The following AGPS variants were observed in gnomAD, a reference collection of about 807,000 sequenced individuals.
The protein encoded by AGPS is alkyldihydroxyacetonephosphate synthase, peroxisomal.
Under a neutral mutation model 90.7 loss-of-function variants are expected in AGPS, and 26 were observed. That is an observed-to-expected ratio of 0.29 (90% confidence interval 0.21 to 0.40). AGPS has a LOEUF of 0.40. Among genes scored for constraint, AGPS ranks in the 10% least tolerant of loss-of-function variants. The probability of loss-of-function intolerance (pLI) is 1.00; values close to 1 mark genes in which losing one functional copy is unlikely to be tolerated. For missense variants in AGPS, 540 were observed against 816.1 expected, an observed-to-expected ratio of 0.66 and a Z score of 4.12; for synonymous variants, 294 against 285.3, an observed-to-expected ratio of 1.03 and a Z score of -0.31.
chr2:177,487,416 T>C (rs1239489359), intron 11 of AGPS, among the ~76,000 whole-genome samples: 1 of 152,178 alleles, frequency 6.6e-6, no homozygotes, highest in Non-Finnish European at 1.5e-5. Context: ...TAATTTTTCC[T>C]TCCTTCTATC....
intron 10 of AGPS, 147 bp downstream of exon 10, chr2:177,468,671 A>C: frequency 1.8e-5 from 11 of 605,788 alleles, no homozygotes; most frequent in South Asian, 2.3e-5. Context: ...TAAGACTATA[A>C]AGTTTTATTA....
chr2:177,455,036 G>T (rs1389226066), intron 8 of AGPS, among the ~76,000 whole-genome samples: 1 of 151,790 alleles, frequency 6.6e-6, no homozygotes, highest in Non-Finnish European at 1.5e-5. Flanking sequence ...TAGTATTAGT[G>T]TATTTTATGG....
chr2:177,485,039 A>G (rs1055199434), intron 11 of AGPS, among the ~76,000 whole-genome samples: 2 of 152,142 alleles, frequency 1.3e-5, no homozygotes, highest in Non-Finnish European at 2.9e-5. Context: ...AAGTGTAGAG[A>G]TTGCTGGCAT....
At chr2:177,472,504 G>A (rs1267321652) in intron 10 of AGPS, among the ~76,000 whole-genome samples, 9 of 151,926 alleles carry the variant, frequency 5.9e-5, no homozygotes, top group Admixed American at 5.9e-4. Context: ...TTCATGTTGT[G>A]TTACAGCTTT....
intron 8 of AGPS, among the ~76,000 whole-genome samples, chr2:177,452,300 T>C (rs1686974989): frequency 6.6e-6 from 1 of 152,200 alleles, no homozygotes; most frequent in South Asian, 2.1e-4. Context: ...ACAGTAATTG[T>C]AGATTTGTAT....
intron 2 of AGPS, among the ~76,000 whole-genome samples, chr2:177,429,850 G>A (rs1232656457): frequency 1.3e-5 from 2 of 152,200 alleles, no homozygotes; most frequent in Non-Finnish European, 2.9e-5. Context: ...ACCCTTTCAT[G>A]TCCAGACTGC....
intron 14 of AGPS, among the ~76,000 whole-genome samples, chr2:177,503,965 C>G (rs1441463608): frequency 6.6e-6 from 1 of 152,152 alleles, no homozygotes; most frequent in Non-Finnish European, 1.5e-5. Context: ...AGAAAGATGA[C>G]TTAGGACTGA....
chr2:177,474,311 A>G (rs1329009824), intron 10 of AGPS, among the ~76,000 whole-genome samples: 2 of 152,170 alleles, frequency 1.3e-5, no homozygotes, highest in Admixed American at 6.6e-5. Flanking sequence ...ATGACTAGGA[A>G]AAAATTAGCC....
intron 19 of AGPS, among the ~76,000 whole-genome samples, chr2:177,525,297 G>C (rs2079073273): frequency 6.6e-6 from 1 of 151,938 alleles, no homozygotes. Flanking sequence ...TTTTTATTCT[G>C]TTTCAAAATG....
intron 1 of AGPS, among the ~76,000 whole-genome samples, chr2:177,399,321 G>A (rs1278896494): frequency 6.6e-6 from 1 of 152,122 alleles, no homozygotes; most frequent in Non-Finnish European, 1.5e-5. Flanking sequence ...CAAATCAAGG[G>A]ATCATGACTA....
At position 177,538,062 on chromosome 2, in the gene AGPS, T is replaced by G; in HGVS notation, c.1856-12T>G. The G allele has an allele frequency of 6.2e-7, 1 of 1,612,926 alleles. No individual in the cohort carries two copies. Among genetic ancestry groups the G allele is most frequent in the Non-Finnish European group, 8.5e-7 (1 of 1,179,130 alleles). ...AGCATATATTGAAGCATTTTTGATTTTGTTTTTCCAGTGGGCAAGTTACGG... is the reference window on the plus strand; with the variant it reads ...AGCATATATTGAAGCATTTTTGATTGTGTTTTTCCAGTGGGCAAGTTACGG... On this transcript the variant is annotated splice_polypyrimidine_tract_variant and intron_variant, in intron 19 of 19. Coordinates refer to ENST00000264167, the MANE Select transcript of AGPS (RefSeq NM_003659.4).
intron 12 of AGPS, 81 bp downstream of exon 12, chr2:177,493,280 G>C: frequency 8.1e-7 from 1 of 1,230,518 alleles, no homozygotes; most frequent in South Asian, 1.2e-5. Context: ...ACGGAGTGCA[G>C]AGGTAGAAAG....
intron 2 of AGPS, among the ~76,000 whole-genome samples, chr2:177,424,959 G>C (rs1047662247): frequency 6.6e-6 from 1 of 152,036 alleles, no homozygotes; most frequent in Non-Finnish European, 1.5e-5. Flanking sequence ...TAAGTTCCTT[G>C]TAGACTCTGG....
At chr2:177,524,575 G>A (rs1458904171) in intron 19 of AGPS, among the ~76,000 whole-genome samples, 4 of 151,418 alleles carry the variant, frequency 2.6e-5, no homozygotes, top group Non-Finnish European at 1.5e-5. Flanking sequence ...TTTTTAGGAA[G>A]CACAGTGACA....
At chr2:177,396,970 G>C (rs1371919835) in intron 1 of AGPS, among the ~76,000 whole-genome samples, 1 of 135,416 alleles carries the variant, frequency 7.4e-6, no homozygotes, top group Non-Finnish European at 1.6e-5. Context: ...ATGGAGTCTT[G>C]CTCTGTCTCC....
intron 2 of AGPS, among the ~76,000 whole-genome samples, chr2:177,427,935 C>G (rs1686128315): frequency 6.6e-6 from 1 of 152,096 alleles, no homozygotes; most frequent in African/African-American, 2.4e-5. Flanking sequence ...ATGTTAAAGC[C>G]TCTCACTATT....
rs1320850653 is a variant in AGPS, at chr2:177,540,093, A to G, written c.*1898A>G. The G allele has an allele frequency of 6.9e-6, 1 of 144,270 alleles. No individual in the cohort carries two copies. Among genetic ancestry groups the G allele is most frequent in the African/African-American group, 2.5e-5 (1 of 39,330 alleles). The allele number at this position is 144,270 out of a possible 1,614,324, so 8.9% of individuals were successfully genotyped here. On this transcript the variant is annotated 3_prime_UTR_variant, in exon 20 of 20. Transcript: ENST00000264167. ...TGTGTGTATATATATATATATATATATGTATATGTTTCTGAGTAATTTTTA... is the reference window on the plus strand; with the variant it reads ...TGTGTGTATATATATATATATATATGTGTATATGTTTCTGAGTAATTTTTA...
chr2:177,416,122 C>A (rs1685777973), intron 1 of AGPS, among the ~76,000 whole-genome samples: 1 of 152,044 alleles, frequency 6.6e-6, no homozygotes, highest in African/African-American at 2.4e-5. Context: ...GCATATATAT[C>A]AGGATGTTTG....
intron 19 of AGPS, among the ~76,000 whole-genome samples, chr2:177,533,917 A>G (rs148577478): frequency 6.2e-4 from 94 of 152,332 alleles, no homozygotes; most frequent in Middle Eastern, 3.4e-3. Context: ...TTCAAAATAT[A>G]GTTGTTATAA....
Sources: allele counts gnomAD v4.1 joint callset (sites outside exome capture counted in the v4.1 genomes callset), GRCh38; gene constraint gnomAD v4.1.1; transcripts MANE v1.5; gene names NCBI Gene and HGNC (gene_info 2026-07-23, HGNC 2026-07-21).